FER: variants seen among roughly 807,000 people sequenced by gnomAD.
FER encodes the protein FER tyrosine kinase, also known as tyrosine-protein kinase Fer.
A neutral mutation model predicts 111.0 loss-of-function variants in FER; 63 were observed. That is an observed-to-expected ratio of 0.57 (90% CI 0.46 to 0.70). The LOEUF (loss-of-function observed/expected upper bound fraction) is 0.70. FER is among the 30% of genes least tolerant of loss of function. The pLI, the probability that FER is intolerant of heterozygous loss-of-function variation, is 0.00. For synonymous variants in FER, 327 were observed against 313.9 expected, an observed-to-expected ratio of 1.04 and a Z score of -0.44; for missense variants, 914 against 954.0, an observed-to-expected ratio of 0.96 and a Z score of 0.55.
At chr5:108,766,123 G>A (rs1214598913) in intron 1 of FER, among the ~76,000 whole-genome samples, 1 of 152,020 alleles carries the variant, frequency 6.6e-6, no homozygotes, top group South Asian at 2.1e-4. Context: ...GTAGAGACGG[G>A]CTCTCACTAT....
rs182401044 is a variant in FER at position 108,901,177 on chromosome 5, T to A, written c.1236+3329T>A. Among the ~76,000 whole-genome samples the A allele has an allele frequency of 2.5e-3, 373 of 151,418 alleles. 2 individuals are homozygous for A. Among genetic ancestry groups the A allele is most frequent in the Admixed American group, 3.9e-3 (59 of 15,174 alleles). On this transcript the variant is annotated intron_variant, in intron 10 of 19. Coordinates refer to ENST00000281092, the MANE Select transcript of FER (RefSeq NM_005246.4). Reference sequence around the variant, plus strand: ...AATTGGAGATTGGGCTCTTTTCAGATGCCAGGTCTGCTAGCACCTTGATCT... The same window carrying A: ...AATTGGAGATTGGGCTCTTTTCAGAAGCCAGGTCTGCTAGCACCTTGATCT...
chr5:109,033,280 CAG>C (rs531475904), intron 13 of FER, among the ~76,000 whole-genome samples: 322 of 152,146 alleles, frequency 2.1e-3, no homozygotes, highest in African/African-American at 7.3e-3. Context: ...TTACAAAAAA[CAG>C]AGCAAAGATA....
chr5:109,044,975 C>A (rs1771739234), intron 15 of FER, 180 bp downstream of exon 15: 3 of 453,102 alleles, frequency 6.6e-6, no homozygotes, highest in Non-Finnish European at 1.2e-5. Flanking sequence ...CAATCATAGT[C>A]AAACCAGGTG....
intron 13 of FER, among the ~76,000 whole-genome samples, chr5:108,989,335 C>G (rs1206443463): frequency 1.3e-5 from 2 of 152,072 alleles, no homozygotes; most frequent in African/African-American, 4.8e-5. Flanking sequence ...AGACCAACAA[C>G]CTTTGCCAAA....
chr5:108,813,090 A>G (rs187697174), intron 3 of FER, among the ~76,000 whole-genome samples: 11 of 152,174 alleles, frequency 7.2e-5, no homozygotes, highest in Non-Finnish European at 1.6e-4. Flanking sequence ...CACATTTCTT[A>G]TAGTGCAAGT....
intron 16 of FER, among the ~76,000 whole-genome samples, chr5:109,070,650 CTA>C (rs1445612411): frequency 6.6e-6 from 1 of 151,800 alleles, no homozygotes; most frequent in Non-Finnish European, 1.5e-5. Flanking sequence ...ACTCTTGGCT[CTA>C]GTCAGTATGA....
intron 13 of FER, among the ~76,000 whole-genome samples, chr5:108,997,132 T>G (rs914999635): frequency 4.6e-5 from 7 of 151,924 alleles, no homozygotes; most frequent in African/African-American, 9.7e-5. Context: ...TTGCTAAAGT[T>G]GCTTATCAGC....
chr5:108,846,719 A>C (rs1310482469), intron 5 of FER, among the ~76,000 whole-genome samples: 1 of 152,004 alleles, frequency 6.6e-6, no homozygotes, highest in Non-Finnish European at 1.5e-5. Context: ...AGTAGCTGGG[A>C]CTGCAGGCAC....
chr5:109,059,204 A>C (rs1774055125), intron 16 of FER, among the ~76,000 whole-genome samples: 1 of 152,180 alleles, frequency 6.6e-6, no homozygotes, highest in Non-Finnish European at 1.5e-5. Context: ...CAGAAAAGCA[A>C]AAAGTCCCTT....
rs1759669569 is a variant in FER, at chr5:109,195,397, T to C, written c.*7822T>C. ...TTCTAGACCTCTCATACCTGCAGTG[T>C]ACAGAATATGTACATGTTCCAATGG... is the stretch of plus-strand genomic sequence containing the variant. On this transcript the variant is annotated 3_prime_UTR_variant, in exon 20 of 20. Transcript: ENST00000281092. 1 of 152,190 alleles carries C rather than the reference T, an allele frequency of 6.6e-6. No homozygotes were observed. Among genetic ancestry groups the C allele is most frequent in the African/African-American group, 2.4e-5 (1 of 41,444 alleles). The allele number at this position is 152,190 out of a possible 1,614,324, so 9.4% of individuals were successfully genotyped here. A position where few individuals can be genotyped will look rare whatever the true frequency, so the allele number is the denominator to read the frequency against.
chr5:108,856,720 G>T (rs17472083), intron 5 of FER, among the ~76,000 whole-genome samples: 1 of 151,842 alleles, frequency 6.6e-6, no homozygotes, highest in Non-Finnish European at 1.5e-5. Flanking sequence ...TGTAAATGTT[G>T]TTCTTCCACA....
At chr5:108,950,877 T>G (rs979461901) in intron 11 of FER, among the ~76,000 whole-genome samples, 2 of 152,136 alleles carry the variant, frequency 1.3e-5, no homozygotes, top group African/African-American at 2.4e-5. Context: ...AGACTAGTGT[T>G]TCCCATCTTT....
intron 17 of FER, among the ~76,000 whole-genome samples, chr5:109,102,516 C>T (rs78337923): frequency 7.6e-4 from 116 of 152,286 alleles, no homozygotes; most frequent in African/African-American, 2.7e-3. Flanking sequence ...TATTAACACA[C>T]ACGCCCCAAA....
rs185685751 is a variant in FER at position 109,124,938 on chromosome 5, C to T, written c.2048+24419C>T. ...GCGGGCACCTGTAGTCCCAGCTACT[C>T]GGGAGGCTGAGGCAGGAGAATGGCG... On this transcript the variant is annotated intron_variant, in intron 17 of 19. Transcript: ENST00000281092. 6.0e-5 allele frequency among the ~76,000 whole-genome samples: 9 copies of T among 150,010 alleles called. No individual in the cohort carries two copies. The East Asian group carries it at 1.6e-3, about 27-fold the overall frequency.
intron 9 of FER, among the ~76,000 whole-genome samples, chr5:108,891,000 C>G (rs887954651): frequency 2.0e-5 from 3 of 151,990 alleles, no homozygotes; most frequent in Admixed American, 6.6e-5. Context: ...TGTGAGTGAT[C>G]CAGTTTTTTC....
intron 5 of FER, among the ~76,000 whole-genome samples, chr5:108,848,980 G>A (rs1053212961): frequency 3.3e-5 from 5 of 151,810 alleles, no homozygotes; most frequent in African/African-American, 1.2e-4. Context: ...ATTTAAAGAT[G>A]TTTCTCCAGT....
chr5:109,149,931 C>T (rs1231675125), intron 17 of FER, among the ~76,000 whole-genome samples: 4 of 152,148 alleles, frequency 2.6e-5, no homozygotes, highest in South Asian at 2.1e-4. Flanking sequence ...TGAGCTCCAC[C>T]GCCTGTCAAA....
At chr5:108,760,828 G>A (rs1414038206) in intron 1 of FER, among the ~76,000 whole-genome samples, 1 of 152,142 alleles carries the variant, frequency 6.6e-6, no homozygotes, top group African/African-American at 2.4e-5. Context: ...TGTCATTTGC[G>A]TGTTCACTGG....
intron 14 of FER, among the ~76,000 whole-genome samples, chr5:109,043,797 C>T (rs1033262296): frequency 3.9e-5 from 6 of 152,034 alleles, no homozygotes; most frequent in Middle Eastern, 3.4e-3. Context: ...ATGCTGAAAC[C>T]CCATCTCTAC....
Sources: allele counts gnomAD v4.1 joint callset (sites outside exome capture counted in the v4.1 genomes callset), GRCh38; gene constraint gnomAD v4.1.1; transcripts MANE v1.5; gene names NCBI Gene and HGNC (gene_info 2026-07-23, HGNC 2026-07-21).